Variants in KLHL2 observed in about 807,000 individuals in gnomAD.
KLHL2 encodes kelch-like protein 2.
Under a neutral mutation model 75.8 loss-of-function variants are expected in KLHL2, and 15 were observed. The observed-to-expected ratio is 0.20, with a 90% CI of 0.13 to 0.30. The LOEUF is 0.30. Among genes scored for constraint, KLHL2 ranks in the 10% least tolerant of loss-of-function variants. The pLI is 1.00. For missense variants in KLHL2, 381 were observed against 741.0 expected (o/e 0.51, Z 5.64); for synonymous variants, 214 against 251.9 (o/e 0.85, Z 1.42).
chr4:165,281,000 T>A (rs1248197419), intron 5 of KLHL2, among the ~76,000 whole-genome samples: 1 of 152,246 alleles, frequency 6.6e-6, no homozygotes, highest in Non-Finnish European at 1.5e-5. Flanking sequence ...GAGATATTTC[T>A]GTTTTCCCAA....
In KLHL2 at chr4:165,319,002, A is replaced by AC. The variant is rs1433657534; in HGVS notation, c.1753+1034dup. 6.6e-6 allele frequency among the ~76,000 whole-genome samples: 1 copy of AC among 152,256 alleles called. No homozygotes were observed. The highest frequency in any genetic ancestry group is 1.5e-5 in the Non-Finnish European group (1 of 68,052). ...TGCACACAAACTCTTATGGGAACAA[A>AC]CACCCACAAACCATAGATGGTGTCA... On this transcript the variant is annotated intron_variant, in intron 14 of 14. Transcript: ENST00000226725. The surrounding 1 kb of genome is among the most constrained non-coding windows in gnomAD (Gnocchi z 4.5).
intron 5 of KLHL2, chr4:165,278,971 A>T (rs761613726): frequency 1.3e-6 from 2 of 1,484,148 alleles, no homozygotes; most frequent in South Asian, 2.3e-5. Context: ...TTTCCATTGG[A>T]ATTCCAAAAA....
rs1740502487 is a variant in KLHL2 at position 165,249,357 on chromosome 4, A to T, written c.381+10458A>T. ...CAGTGGGTAACAGGTGTTTCTAGGG[A>T]CTGTGTTTACATTATCCGGTGTGCA... On this transcript the variant is annotated intron_variant, in intron 4 of 14. Coordinates refer to ENST00000226725, the MANE Select transcript of KLHL2 (RefSeq NM_007246.4). Among the ~76,000 whole-genome samples the T allele has an allele frequency of 2.0e-5, 3 of 152,350 alleles. 1 individual carries two copies. The South Asian group carries it at 6.2e-4, about 32-fold the overall frequency.
At chr4:165,285,875 G>A (rs898431904) in intron 5 of KLHL2, among the ~76,000 whole-genome samples, 12 of 152,174 alleles carry the variant, frequency 7.9e-5, no homozygotes, top group African/African-American at 1.2e-4. Context: ...AAGGGAACAC[G>A]GGAGGTCCAG....
At chr4:165,297,476 A>G (rs1745003819) in intron 6 of KLHL2, 133 bp from the exon 7 acceptor site, 4 of 602,792 alleles carry the variant, frequency 6.6e-6, no homozygotes, top group Non-Finnish European at 1.2e-5. Context: ...CAGGATTTTG[A>G]AAACACTTGA....
chr4:165,240,024 C>A (rs1739687428), intron 4 of KLHL2, among the ~76,000 whole-genome samples: 1 of 152,100 alleles, frequency 6.6e-6, no homozygotes, highest in African/African-American at 2.4e-5. Context: ...TTTATAAAAA[C>A]AGTGCAATGA....
intron 5 of KLHL2, among the ~76,000 whole-genome samples, chr4:165,270,004 G>A (rs1341408770): frequency 6.6e-6 from 1 of 152,082 alleles, no homozygotes; most frequent in Non-Finnish European, 1.5e-5. Flanking sequence ...ATTTCTTGGA[G>A]GCTTTGTTCA....
chr4:165,278,621 G>A, intron 5 of KLHL2: 2 of 1,588,978 alleles, frequency 1.3e-6, no homozygotes, highest in Non-Finnish European at 1.7e-6. Context: ...AATTTCTTCT[G>A]AGGTCTTTAT....
At chr4:165,218,746 G>T (rs550343048) in intron 1 of KLHL2, among the ~76,000 whole-genome samples, 43 of 152,180 alleles carry the variant, frequency 2.8e-4, no homozygotes, top group Non-Finnish European at 5.7e-4. Flanking sequence ...ATGAATTAAT[G>T]AACGATAATG....
In KLHL2 at chr4:165,299,632, G is replaced by A. The variant is rs780160656; in HGVS notation, c.897G>A (p.Leu299=). 5.0e-6 allele frequency: 8 copies of A among 1,612,148 alleles called. 1 individual carries two copies. In the South Asian group the frequency reaches 8.8e-5, roughly 18 times the overall value. The part of the protein sequence containing the change: ...RILMKSVRTR[L]RTPMNLPKLM... ...TAATGAAGAGTGTCCGGACCCGGCTGAGGACACCCATGAACCTTCCCAAAG... is the reference window on the plus strand; with the variant it reads ...TAATGAAGAGTGTCCGGACCCGGCTAAGGACACCCATGAACCTTCCCAAAG... The change falls in exon 8 of 15, where the codon CTG becomes CTA. Residue 299 remains leucine (L), a synonymous_variant. Transcript: ENST00000226725.
chr4:165,282,717 G>GACTA (rs1553960861), intron 5 of KLHL2, among the ~76,000 whole-genome samples: 3 of 114,512 alleles, frequency 2.6e-5, no homozygotes, highest in African/African-American at 1.2e-4. Flanking sequence ...ATAAGAGACA[G>GACTA]ATTAATCTTG....
At chr4:165,229,026 G>A in intron 3 of KLHL2, 113 bp downstream of exon 3, 1 of 628,188 alleles carries the variant, frequency 1.6e-6, no homozygotes, top group African/African-American at 1.8e-5. Context: ...AAGAATTATA[G>A]TGGAAGAAAA....
intron 5 of KLHL2, among the ~76,000 whole-genome samples, chr4:165,292,260 T>G (rs951451369): frequency 6.6e-6 from 1 of 152,198 alleles, no homozygotes; most frequent in Non-Finnish European, 1.5e-5. Context: ...CAAAAAACTT[T>G]TGAGTTTCAA....
intron 14 of KLHL2, 118 bp downstream of exon 14, chr4:165,318,087 C>CTTGAGAAAAGACT: frequency 1.1e-6 from 1 of 890,886 alleles, no homozygotes; most frequent in Non-Finnish European, 1.7e-6. Context: ...TAGTTTATAT[C>CTTGAGAAAAGACT]TTATTCTTAA....
In KLHL2 at chr4:165,319,193, T is replaced by G. The variant is rs1052456676; in HGVS notation, c.1753+1224T>G. ...TTGTGAGTATCCACTTAAAAAGCTGTGGGGGGCTAATTACCTTTGAAAGAG... is the reference window on the plus strand; with the variant it reads ...TTGTGAGTATCCACTTAAAAAGCTGGGGGGGGCTAATTACCTTTGAAAGAG... On this transcript the variant is annotated intron_variant, in intron 14 of 14. Coordinates refer to ENST00000226725, the MANE Select transcript of KLHL2 (RefSeq NM_007246.4). The surrounding 1 kb of genome is among the most constrained non-coding windows in gnomAD (Gnocchi z 4.5). Among the ~76,000 whole-genome samples, 6 of 152,178 alleles carry G rather than the reference T, an allele frequency of 3.9e-5. No homozygotes were observed. The highest frequency in any genetic ancestry group is 1.4e-4 in the African/African-American group (6 of 41,450).
At chr4:165,289,509 G>GTTTTTTT (rs1194080743) in intron 5 of KLHL2, among the ~76,000 whole-genome samples, 37 of 112,942 alleles carry the variant, frequency 3.3e-4, no homozygotes, top group East Asian at 8.4e-4. Context: ...TTTTGGTTTG[G>GTTTTTTT]TTTTTTTTTT....
chr4:165,207,997 CG>C lies in KLHL2; in HGVS notation c.26+99del. The C allele has an allele frequency of 2.3e-6, 2 of 868,262 alleles. No homozygotes were observed. Among genetic ancestry groups the C allele is most frequent in the African/African-American group, 1.8e-5 (1 of 55,856 alleles). The allele number at this position is 868,262 out of a possible 1,614,324, so 53.8% of individuals were successfully genotyped here. A position where few individuals can be genotyped will look rare whatever the true frequency, so the allele number is the denominator to read the frequency against. On this transcript the variant is annotated intron_variant, in intron 1 of 14. Transcript: ENST00000226725. The surrounding 1 kb of genome is among the most constrained non-coding windows in gnomAD (Gnocchi z 4.2). Reference sequence around the variant, plus strand: ...CGGGCGCAGCTCTGGGGACAGCCGCCGGGGCCGGCGGGAGGTGGGAGATGCG... The same window carrying C: ...CGGGCGCAGCTCTGGGGACAGCCGCCGGGCCGGCGGGAGGTGGGAGATGCG...
intron 5 of KLHL2, among the ~76,000 whole-genome samples, chr4:165,290,881 C>A (rs367799678): frequency 6.6e-6 from 1 of 152,140 alleles, no homozygotes; most frequent in Non-Finnish European, 1.5e-5. Flanking sequence ...TCAGGAGAAT[C>A]GCTTGAACCC....
At chr4:165,311,439 T>G (rs934019703) in intron 10 of KLHL2, 25 bp from the exon 11 acceptor site, 1 of 1,504,550 alleles carries the variant, frequency 6.6e-7, no homozygotes, top group African/African-American at 1.4e-5. Context: ...GAGAAGGAAA[T>G]GAAGACTATT....
Sources: gnomAD v4.1 joint callset for allele counts (sites outside exome capture counted in the v4.1 genomes callset) on GRCh38, gnomAD v4.1.1 for gene constraint, Gnocchi (gnomAD v3.1) non-coding constraint, MANE v1.5 for transcripts, NCBI Gene and HGNC (gene_info 2026-07-23, HGNC 2026-07-21) for gene names.